The following TSHZ2 variants were observed in gnomAD, a reference collection of about 807,000 sequenced individuals.
TSHZ2 encodes the protein teashirt zinc finger homeobox 2, also known as teashirt homolog 2.
TSHZ2 carries 21 observed loss-of-function variants against 74.4 expected under a neutral mutation model. The ratio of observed to expected loss-of-function variants is 0.28; its 90% CI spans 0.20 to 0.41. The LOEUF (loss-of-function observed/expected upper bound fraction) is 0.41, where lower values mean the gene tolerates loss of function less well. Among genes scored for constraint, TSHZ2 ranks in the 10% least tolerant of loss-of-function variants. The pLI is 1.00. For missense variants in TSHZ2, 1,244 were observed against 1,293.5 expected, an observed-to-expected ratio of 0.96 and a Z score of 0.59; for synonymous variants, 540 against 515.3, an observed-to-expected ratio of 1.05 and a Z score of -0.65.
At chr20:53,209,531 C>T (rs1274518581) in intron 1 of TSHZ2, among the ~76,000 whole-genome samples, 1 of 152,168 alleles carries the variant, frequency 6.6e-6, no homozygotes, top group Non-Finnish European at 1.5e-5. Flanking sequence ...CATTAGAGGT[C>T]TAGTTAAATG....
intron 1 of TSHZ2, among the ~76,000 whole-genome samples, chr20:53,165,835 G>T (rs1274655227): frequency 6.6e-6 from 1 of 152,122 alleles, no homozygotes; most frequent in Non-Finnish European, 1.5e-5. Context: ...CTGCCCATTT[G>T]GGTCCACATG....
intron 1 of TSHZ2, among the ~76,000 whole-genome samples, chr20:53,146,338 T>C (rs561925057): frequency 1.3e-5 from 2 of 152,262 alleles, no homozygotes; most frequent in East Asian, 3.9e-4. Flanking sequence ...TGTTTTGGCA[T>C]TGTGTAGACG....
In TSHZ2 at chr20:53,163,360, C is replaced by CTTTTTTTTTTTTTTTTT. The variant is rs55685519; in HGVS notation, c.41-90129_41-90113dup. Among the ~76,000 whole-genome samples, 11 of 65,636 alleles carry CTTTTTTTTTTTTTTTTT rather than the reference C, an allele frequency of 1.7e-4. 1 individual carries two copies. The highest frequency in any genetic ancestry group is 4.0e-4 in the Admixed American group (2 of 4,964). 43.1% of individuals were successfully genotyped at this position (65,636 alleles called of 152,430 possible). A position where few individuals can be genotyped will look rare whatever the true frequency, so the allele number is the denominator to read the frequency against. ...TTAAGTGCACGCACGCTCTCTGTCT[C>CTTTTTTTTTTTTTTTTT]TTTTTTTTTTTTTTTTTTTTTTTTT... is the stretch of plus-strand genomic sequence containing the variant. On this transcript the variant is annotated intron_variant, in intron 1 of 2. Transcript: ENST00000371497.
chr20:53,083,607 C>A (rs1418228143), intron 1 of TSHZ2, among the ~76,000 whole-genome samples: 1 of 152,194 alleles, frequency 6.6e-6, no homozygotes, highest in Non-Finnish European at 1.5e-5. Context: ...TCTGTTTATT[C>A]AGGCTCAAAC....
intron 2 of TSHZ2, among the ~76,000 whole-genome samples, chr20:53,343,173 G>A (rs1481174059): frequency 6.6e-5 from 10 of 151,566 alleles, no homozygotes; most frequent in Admixed American, 3.9e-4. Flanking sequence ...CACTTTCCTG[G>A]CCAGGTTGGT....
intron 1 of TSHZ2, among the ~76,000 whole-genome samples, chr20:53,184,588 C>A (rs1395104985): frequency 6.6e-6 from 1 of 152,212 alleles, no homozygotes; most frequent in African/African-American, 2.4e-5. Context: ...CCAGAACATT[C>A]TCTGTGCATA....
At chr20:53,202,040 C>T (rs1031552879) in intron 1 of TSHZ2, among the ~76,000 whole-genome samples, 2 of 152,208 alleles carry the variant, frequency 1.3e-5, no homozygotes, top group African/African-American at 4.8e-5. Context: ...GAGAGACTAC[C>T]TTTGCATATG....
intron 2 of TSHZ2, among the ~76,000 whole-genome samples, chr20:53,438,900 C>T (rs1260805726): frequency 2.6e-5 from 4 of 152,042 alleles, no homozygotes; most frequent in East Asian, 1.9e-4. Flanking sequence ...GCGGAGGTTG[C>T]GGTGAGCTGA....
intron 1 of TSHZ2, among the ~76,000 whole-genome samples, chr20:53,017,412 T>C (rs537110519): frequency 5.0e-4 from 76 of 152,322 alleles, no homozygotes; most frequent in Admixed American, 1.5e-3. Context: ...TTTCACAACA[T>C]GATTTTACAT....
Position 53,102,402 on chromosome 20 carries a change from AAAAAG to A in TSHZ2, c.40+129078_40+129082del, listed in dbSNP as rs529934034. Among the ~76,000 whole-genome samples the A allele has an allele frequency of 3.9e-4, 60 of 152,038 alleles. No homozygotes were observed. The South Asian group carries it at 4.6e-3, about 12-fold the overall frequency. On this transcript the variant is annotated intron_variant, in intron 1 of 2. Transcript: ENST00000371497. ...AGACCCAGTTTGAGTTTAACGAAAA[AAAAAG>A]AAAAGAAAGAAAGGAAAGGGAAAGA...
At chr20:53,045,721 C>G (rs1056918184) in intron 1 of TSHZ2, among the ~76,000 whole-genome samples, 1 of 152,214 alleles carries the variant, frequency 6.6e-6, no homozygotes, top group Non-Finnish European at 1.5e-5. Flanking sequence ...ATTTCACTCT[C>G]TGCACCTCAG....
chr20:53,124,988 T>TGGC (rs1367672247), intron 1 of TSHZ2, among the ~76,000 whole-genome samples: 2 of 152,372 alleles, frequency 1.3e-5, no homozygotes, highest in South Asian at 2.1e-4. Context: ...CAAATGGGTG[T>TGGC]GGCTCTGTGC....
At chr20:52,978,464 T>C (rs898241226) in intron 1 of TSHZ2, among the ~76,000 whole-genome samples, 1 of 152,216 alleles carries the variant, frequency 6.6e-6, no homozygotes, top group Non-Finnish European at 1.5e-5. Flanking sequence ...CTGGGAAGAC[T>C]CAGCCACTAT....
intron 2 of TSHZ2, among the ~76,000 whole-genome samples, chr20:53,422,642 G>A (rs55761649): frequency 0.25 from 38,653 of 151,884 alleles, 5,022 homozygotes; most frequent in African/African-American, 0.28. Flanking sequence ...CACACCCGCC[G>A]GCCAGGCCTC....
At chr20:53,022,768 A>G (rs2123037268) in intron 1 of TSHZ2, among the ~76,000 whole-genome samples, 1 of 152,330 alleles carries the variant, frequency 6.6e-6, no homozygotes, top group Middle Eastern at 3.4e-3. Context: ...AACATGAATA[A>G]TGTTATTCAC....
At chr20:53,238,500 T>C (rs527824398) in intron 1 of TSHZ2, among the ~76,000 whole-genome samples, 209 of 152,236 alleles carry the variant, frequency 1.4e-3, no homozygotes, top group African/African-American at 4.0e-3. Flanking sequence ...TTGGCCAAGC[T>C]GGTGTTCTGT....
At chr20:53,118,698 A>AG (rs773893118) in intron 1 of TSHZ2, among the ~76,000 whole-genome samples, 1 of 151,948 alleles carries the variant, frequency 6.6e-6, no homozygotes, top group African/African-American at 2.4e-5. Context: ...AATTTTCTGG[A>AG]GGGGGGAAGC....
At chr20:53,297,096 C>A (rs1991393460) in intron 2 of TSHZ2, among the ~76,000 whole-genome samples, 2 of 152,028 alleles carry the variant, frequency 1.3e-5, no homozygotes, top group Non-Finnish European at 2.9e-5. Context: ...TCACCTTATT[C>A]CAAGTTATTA....
chr20:53,281,376 A>G (rs1261788198), intron 2 of TSHZ2, among the ~76,000 whole-genome samples: 1 of 152,238 alleles, frequency 6.6e-6, no homozygotes, highest in Admixed American at 6.5e-5. Flanking sequence ...ATTATCTAGT[A>G]CAGAGGTTTG....
Sources: allele counts gnomAD v4.1 joint callset (sites outside exome capture counted in the v4.1 genomes callset), GRCh38; gene constraint gnomAD v4.1.1; transcripts MANE v1.5; gene names NCBI Gene and HGNC (gene_info 2026-07-23, HGNC 2026-07-21).